Variants in ETV7 observed in about 807,000 individuals in gnomAD.
The protein encoded by ETV7 is transcription factor ETV7.
In ETV7, 43 loss-of-function variants were observed where a neutral mutation model predicts 39.1. The observed-to-expected ratio is 1.10, with a 90% CI of 0.86 to 1.42. ETV7 has a LOEUF of 1.42. ETV7 is among the 40% of genes most tolerant of loss of function. ETV7 has a pLI of 0.00. For missense variants in ETV7, 432 were observed against 442.3 expected, an observed-to-expected ratio of 0.98 and a Z score of 0.21; for synonymous variants, 196 against 176.6, an observed-to-expected ratio of 1.11 and a Z score of -0.87.
intron 7 of ETV7, among the ~76,000 whole-genome samples, chr6:36,358,929 GGGCC>G (rs1772406922): frequency 3.3e-5 from 5 of 152,134 alleles, no homozygotes; most frequent in Non-Finnish European, 5.9e-5. Flanking sequence ...ATGTTTAGAT[GGGCC>G]AGATCTAGAG....
intron 6 of ETV7, 78 bp from the exon 7 acceptor site, chr6:36,367,053 A>G: frequency 9.2e-7 from 1 of 1,089,858 alleles, no homozygotes; most frequent in Non-Finnish European, 1.4e-6. Context: ...AGTAGGGTGG[A>G]CTGGACAGCT....
intron 3 of ETV7, among the ~76,000 whole-genome samples, chr6:36,374,843 G>A (rs1773228701): frequency 6.6e-6 from 1 of 152,168 alleles, no homozygotes; most frequent in Non-Finnish European, 1.5e-5. Flanking sequence ...GCCAAGGTGG[G>A]CAAATCACCT....
rs1380499591 is a variant in ETV7, at chr6:36,385,522, C to T, written c.142+12G>A. On this transcript the variant is annotated intron_variant, in intron 2 of 7. Transcript: ENST00000340181. Reference sequence around the variant, plus strand: ...TTTTAAAAACTCAGCTTTTCTCCTCCCCTCTACTTACGGAGTCTTCCTGGC... The same window carrying T: ...TTTTAAAAACTCAGCTTTTCTCCTCTCCTCTACTTACGGAGTCTTCCTGGC... 2 of 1,614,170 alleles carry T rather than the reference C, an allele frequency of 1.2e-6. No individual in the cohort carries two copies. Among genetic ancestry groups the T allele is most frequent in the Non-Finnish European group, 1.7e-6 (2 of 1,180,024 alleles).
Position 36,371,420 on chromosome 6 carries a change from A to T in ETV7, c.574T>A (p.Leu192Ile), listed in dbSNP as rs2127390419. The T allele has an allele frequency of 6.2e-7, 1 of 1,603,126 alleles. No homozygotes were observed. Among genetic ancestry groups the T allele is most frequent in the East Asian group, 2.2e-5 (1 of 44,600 alleles). ...CAGCCGAGCTCTGCACAGTGACATAAGTTGAGGGACTCCTCCTTGCCAGGG... is the reference window on the plus strand; with the variant it reads ...CAGCCGAGCTCTGCACAGTGACATATGTTGAGGGACTCCTCCTTGCCAGGG... The part of the protein sequence containing the change: ...WTPGKEESLN[L>I]CHCAELGCRT... Residue 192 changes from leucine (L) to isoleucine (I), a missense_variant, in exon 5 of 8, where the codon TTA becomes ATA. Leu to Ile is a conservative substitution (Grantham distance 5). Coordinates refer to ENST00000340181, the MANE Select transcript of ETV7 (RefSeq NM_016135.4).
At chr6:36,367,223 G>T (rs140896655) in intron 6 of ETV7, among the ~76,000 whole-genome samples, 2 of 152,172 alleles carry the variant, frequency 1.3e-5, no homozygotes, top group East Asian at 1.9e-4. Flanking sequence ...TGGGCAGATC[G>T]CTTGAGGTCA....
downstream of ETV7, among the ~76,000 whole-genome samples, chr6:36,364,686 A>T (rs370857753): frequency 6.6e-6 from 1 of 152,194 alleles, no homozygotes; most frequent in South Asian, 2.1e-4. Context: ...CCCACAGTGC[A>T]GCGGTGGGAT....
At chr6:36,385,758 G>A (rs1773869700) in intron 1 of ETV7, 89 bp from the exon 2 acceptor site, 9 of 1,433,802 alleles carry the variant, frequency 6.3e-6, no homozygotes, top group South Asian at 1.4e-5. Context: ...TTTTTGGAAG[G>A]GAAAGAGTGT....
Position 36,385,659 on chromosome 6 carries a change from A to G in ETV7, c.17T>C (p.Leu6Ser). 1 of 1,612,748 alleles carries G rather than the reference A, an allele frequency of 6.2e-7. No homozygotes were observed. Among genetic ancestry groups the G allele is most frequent in the Admixed American group, 1.7e-5 (1 of 59,698 alleles). Residue 6 changes from leucine (L) to serine (S), a missense_variant, in exon 2 of 8, where the codon TTG becomes TCG. Transcript: ENST00000340181. ...CACAGGGCTTATAGGAGAAATAGCC[A>G]ATTCTCCCTCCTAGAGAGAGAAAAA... The part of the protein sequence containing the change: MQEGE[L>S]AISPISPVAA...
intron 1 of ETV7, 25 bp downstream of exon 1, chr6:36,387,511 G>GAGC: frequency 6.2e-7 from 1 of 1,614,074 alleles, no homozygotes; most frequent in Non-Finnish European, 8.5e-7. Flanking sequence ...CGTGCGCGCT[G>GAGC]CGTGTTCAGC....
chr6:36,373,381 TGAG>T, intron 4 of ETV7, 69 bp downstream of exon 4: 11 of 1,431,926 alleles, frequency 7.7e-6, no homozygotes, highest in Non-Finnish European at 1.0e-5. Context: ...TGCTTCGCCT[TGAG>T]GATGTCCTGC....
intron 6 of ETV7, among the ~76,000 whole-genome samples, chr6:36,367,176 C>T (rs1233126060): frequency 6.6e-6 from 1 of 152,148 alleles, no homozygotes; most frequent in Non-Finnish European, 1.5e-5. Flanking sequence ...GGCAGGGTGG[C>T]TCACACCTGT....
At position 36,366,856 on chromosome 6, in the gene ETV7, C is replaced by T. The variant is rs753978034; in HGVS notation, c.908+19G>A. ...CCCAGTTCTGCTTCCCCTTTCACCA[C>T]ATCCCCTAGGCCACTCACCTGAACA... On this transcript the variant is annotated intron_variant, in intron 7 of 7. Coordinates refer to ENST00000340181, the MANE Select transcript of ETV7 (RefSeq NM_016135.4). 6.2e-7 allele frequency: 1 copy of T among 1,613,646 alleles called. No individual in the cohort carries two copies. The highest frequency in any genetic ancestry group is 8.5e-7 in the Non-Finnish European group (1 of 1,179,568).
chr6:36,354,613 C>A (rs1342658585), exon 8 of ETV7: 4 of 690,438 alleles, frequency 5.8e-6, no homozygotes, highest in Non-Finnish European at 1.0e-5. Flanking sequence ...CTTTGTTTTT[C>A]TTTCCAAGAC....
At chr6:36,359,333 C>T (rs1772416630) in intron 7 of ETV7, among the ~76,000 whole-genome samples, 1 of 152,176 alleles carries the variant, frequency 6.6e-6, no homozygotes, top group East Asian at 1.9e-4. Context: ...CGCCTGTGAT[C>T]CCAGCTACTC....
chr6:36,366,128 C>T (rs370587577), downstream of ETV7: 29 of 937,208 alleles, frequency 3.1e-5, no homozygotes, highest in African/African-American at 5.0e-4. Context: ...GAGCCGAGAT[C>T]GTGCCACTGC....
intron 2 of ETV7, among the ~76,000 whole-genome samples, chr6:36,384,168 C>T (rs932603352): frequency 4.6e-5 from 7 of 152,222 alleles, no homozygotes; most frequent in African/African-American, 1.7e-4. Flanking sequence ...GTCTTTCCTC[C>T]CTACTCCTCA....
downstream of ETV7, among the ~76,000 whole-genome samples, chr6:36,365,565 G>C (rs913444954): frequency 3.3e-5 from 5 of 152,154 alleles, no homozygotes; most frequent in African/African-American, 1.2e-4. Context: ...CCACAAGTGT[G>C]GGGACGGGGG....
chr6:36,356,323 C>CAAAAAAAAAAA (rs59649348), intron 7 of ETV7, among the ~76,000 whole-genome samples: 204 of 77,478 alleles, frequency 2.6e-3, no homozygotes, highest in Non-Finnish European at 4.5e-3. Context: ...GACCCTGTCT[C>CAAAAAAAAAAA]AAAAAAAAAA....
At chr6:36,383,939 T>G (rs1582226452) in intron 2 of ETV7, among the ~76,000 whole-genome samples, 1 of 152,294 alleles carries the variant, frequency 6.6e-6, no homozygotes, top group East Asian at 1.9e-4. Flanking sequence ...GCCTTGGGCT[T>G]TTTCTGGCTG....
Sources: allele counts gnomAD v4.1 joint callset (sites outside exome capture counted in the v4.1 genomes callset), GRCh38; gene constraint gnomAD v4.1.1; transcripts MANE v1.5; gene names NCBI Gene and HGNC (gene_info 2026-07-23, HGNC 2026-07-21).